Variants in TNNT1 observed in about 807,000 individuals in gnomAD.
TNNT1 encodes troponin T1, slow skeletal type.
TNNT1 carries 53 observed loss-of-function variants against 50.6 expected under a neutral mutation model. The observed-to-expected ratio is 1.05, with a 90% CI of 0.84 to 1.32. The LOEUF is 1.32. TNNT1 is among the 40% of genes most tolerant of loss of function. The pLI, the probability that TNNT1 is intolerant of heterozygous loss-of-function variation, is 0.00. For missense variants in TNNT1, 348 were observed against 381.7 expected, an observed-to-expected ratio of 0.91 and a Z score of 0.74; for synonymous variants, 142 against 138.0, an observed-to-expected ratio of 1.03 and a Z score of -0.20.
chr19:55,137,858 A>C, intron 10 of TNNT1, 103 bp downstream of exon 10: 1 of 1,424,224 alleles, frequency 7.0e-7, no homozygotes. Flanking sequence ...CCTCAGACCC[A>C]GGAATCCAGG....
chr19:55,137,878 C>G, intron 10 of TNNT1, 83 bp downstream of exon 10: 1 of 1,549,874 alleles, frequency 6.5e-7, no homozygotes, highest in Non-Finnish European at 8.9e-7. Flanking sequence ...GCCTCAGCCC[C>G]TCCTCCGTTA....
At chr19:55,143,446 G>C (rs146534494) in intron 6 of TNNT1, among the ~76,000 whole-genome samples, 2,517 of 152,250 alleles carry the variant, frequency 0.017, 96 homozygotes, top group African/African-American at 0.058. Context: ...AGTGAAGAGC[G>C]ATTCCAAGAT....
At chr19:55,148,548 C>T (rs775589963) in intron 1 of TNNT1, among the ~76,000 whole-genome samples, 1 of 151,782 alleles carries the variant, frequency 6.6e-6, no homozygotes, top group Admixed American at 6.6e-5. Context: ...TCTGAAATCC[C>T]AGTTCTTGAT....
intron 3 of TNNT1, 99 bp from the exon 4 acceptor site, chr19:55,146,806 C>T: frequency 8.6e-7 from 1 of 1,159,166 alleles, no homozygotes. Flanking sequence ...GACGGGGGTC[C>T]CTCTGGCCTC....
At chr19:55,133,592 C>G in intron 13 of TNNT1, 1 of 489,898 alleles carries the variant, frequency 2.0e-6, no homozygotes, top group East Asian at 3.7e-5. Flanking sequence ...GCAGGAGAAT[C>G]GCTTGAACCC....
chr19:55,140,996 G>A (rs1486907726), intron 8 of TNNT1, 36 bp from the exon 9 acceptor site: 1 of 1,609,428 alleles, frequency 6.2e-7, no homozygotes, highest in Admixed American at 1.7e-5. Context: ...GTGCAGGGAC[G>A]TACCCCCAGT....
intron 6 of TNNT1, among the ~76,000 whole-genome samples, chr19:55,142,340 C>G (rs1371260252): frequency 6.6e-6 from 1 of 151,438 alleles, no homozygotes; most frequent in African/African-American, 2.4e-5. Context: ...CCAGGATGGT[C>G]TCGATCTCCT....
rs769097456 is a variant in TNNT1 at position 55,147,127 on chromosome 19, C to T, written c.31G>A (p.Glu11Lys). The change falls in exon 2 of 14, where the codon GAG becomes AAG. Residue 11 changes from glutamate to lysine, a missense_variant and splice_region_variant. Physicochemically the swap from Glu to Lys is moderately conservative, Grantham distance 56. This residue lies in a region of TNNT1 where 90 missense variants were observed against 70.8 expected (regional missense o/e 1.27). Coordinates refer to ENST00000588981, the MANE Select transcript of TNNT1 (RefSeq NM_003283.6). The stretch of plus-strand genomic sequence containing the variant: ...AACCCCTCCCAGTGCAGCACTCACT[C>T]CTCATATTCCTGCTCCTCGGTGTCC... MSDTEEQEYE[E>K]EQPEEEAAEE... The T allele has an allele frequency of 8.8e-5, 142 of 1,613,780 alleles. 2 individuals are homozygous for T. In the South Asian group the frequency reaches 1.5e-3, roughly 17 times the overall value.
In TNNT1 at chr19:55,132,822, C is replaced by G; in HGVS notation, c.*93G>C. On this transcript the variant is annotated 3_prime_UTR_variant, in exon 14 of 14. Coordinates refer to ENST00000588981, the MANE Select transcript of TNNT1 (RefSeq NM_003283.6). Reference sequence around the variant, plus strand: ...TCTCAACCATAATAACATCAGAGAACCCAGCGGGTGTCTGAGGGGAGCGTT... The same window carrying G: ...TCTCAACCATAATAACATCAGAGAAGCCAGCGGGTGTCTGAGGGGAGCGTT... The G allele has an allele frequency of 8.1e-7, 1 of 1,227,440 alleles. No individual in the cohort carries two copies. Among genetic ancestry groups the G allele is most frequent in the African/African-American group, 1.5e-5 (1 of 66,642 alleles). 76.0% of individuals were successfully genotyped at this position (1,227,440 alleles called of 1,614,324 possible).
intron 6 of TNNT1, among the ~76,000 whole-genome samples, chr19:55,144,284 G>A (rs780680171): frequency 6.6e-6 from 1 of 151,972 alleles, no homozygotes; most frequent in African/African-American, 2.4e-5. Context: ...TGACCGGGCT[G>A]GTCTCAAACT....
At chr19:55,146,874 G>A in intron 3 of TNNT1, 134 bp downstream of exon 3, 3 of 1,307,134 alleles carry the variant, frequency 2.3e-6, no homozygotes, top group Non-Finnish European at 3.1e-6. Flanking sequence ...AGACGCTCCA[G>A]ACCCGGAGAG....
chr19:55,145,349 G>A, intron 6 of TNNT1, 195 bp downstream of exon 6: 2 of 651,218 alleles, frequency 3.1e-6, no homozygotes, highest in Non-Finnish European at 5.5e-6. Flanking sequence ...AGAAGAGGAA[G>A]TGGAGGAGGA....
chr19:55,142,540 G>A (rs984138844), intron 6 of TNNT1, among the ~76,000 whole-genome samples: 1 of 144,424 alleles, frequency 6.9e-6, no homozygotes, highest in Non-Finnish European at 1.5e-5. Context: ...AATATGCCTA[G>A]TAAGAATTTT....
In TNNT1 at chr19:55,149,156, C is replaced by G. The variant is rs1222242991; in HGVS notation, c.-12+5G>C. 5 of 456,230 alleles carry G rather than the reference C, an allele frequency of 1.1e-5. No homozygotes were observed. Among genetic ancestry groups the G allele is most frequent in the South Asian group, 3.1e-5 (2 of 64,576 alleles). 28.3% of individuals were successfully genotyped at this position (456,230 alleles called of 1,614,324 possible). A position where few individuals can be genotyped will look rare whatever the true frequency, so the allele number is the denominator to read the frequency against. On this transcript the variant is annotated splice_donor_5th_base_variant and intron_variant, in intron 1 of 13. Coordinates refer to ENST00000588981, the MANE Select transcript of TNNT1 (RefSeq NM_003283.6). Reference sequence around the variant, plus strand: ...AAGACCACAGGGCTCCGCAGAGCCCCTTACCTAGGCTGTGTCTGAGATGCT... The same window carrying G: ...AAGACCACAGGGCTCCGCAGAGCCCGTTACCTAGGCTGTGTCTGAGATGCT...
intron 6 of TNNT1, among the ~76,000 whole-genome samples, chr19:55,142,873 C>T (rs998261507): frequency 6.6e-6 from 1 of 150,628 alleles, no homozygotes. Flanking sequence ...GTAGAGATGG[C>T]GTTTCACAGC....
chr19:55,134,907 G>A (rs1027863777), intron 11 of TNNT1, among the ~76,000 whole-genome samples: 3 of 148,948 alleles, frequency 2.0e-5, no homozygotes, highest in African/African-American at 7.4e-5. Flanking sequence ...TCTGCAGTTA[G>A]AAGCCCCTGG....
At chr19:55,142,287 AT>A (rs2085472690) in intron 6 of TNNT1, among the ~76,000 whole-genome samples, 1 of 149,808 alleles carries the variant, frequency 6.7e-6, no homozygotes, top group African/African-American at 2.5e-5. Context: ...AGCCTGGCTA[AT>A]TTTTCTGTAT....
chr19:55,145,508 T>G, intron 6 of TNNT1, 36 bp downstream of exon 6: 1 of 1,610,062 alleles, frequency 6.2e-7, no homozygotes, highest in Non-Finnish European at 8.5e-7. Flanking sequence ...TTTAGGAAGA[T>G]GTATGACTGG....
chr19:55,144,283 T>A (rs547396191), intron 6 of TNNT1, among the ~76,000 whole-genome samples: 2 of 152,266 alleles, frequency 1.3e-5, no homozygotes, highest in East Asian at 3.9e-4. Flanking sequence ...TTGACCGGGC[T>A]GGTCTCAAAC....
Sources: allele counts gnomAD v4.1 joint callset (sites outside exome capture counted in the v4.1 genomes callset), GRCh38; gene constraint gnomAD v4.1.1; regional missense constraint gnomAD v4.1.1; transcripts MANE v1.5; gene names NCBI Gene and HGNC (gene_info 2026-07-23, HGNC 2026-07-21).